UMODL1: variants seen among roughly 807,000 people sequenced by gnomAD.
UMODL1 encodes uromodulin like 1.
Under a neutral mutation model 136.3 loss-of-function variants are expected in UMODL1, and 128 were observed. The ratio of observed to expected loss-of-function variants is 0.94; its 90% confidence interval spans 0.81 to 1.09. The LOEUF (loss-of-function observed/expected upper bound fraction) is 1.09. Among genes scored for constraint, UMODL1 ranks in the 50% least tolerant of loss-of-function variants. UMODL1 has a pLI of 0.00. For synonymous variants in UMODL1, 721 were observed against 720.0 expected, an observed-to-expected ratio of 1.00 and a Z score of -0.02; for missense variants, 1,766 against 1,725.6, an observed-to-expected ratio of 1.02 and a Z score of -0.41.
Position 42,127,139 on chromosome 21 carries a change from C to A in UMODL1, c.3427C>A (p.Leu1143Ile). 6.2e-7 allele frequency: 1 copy of A among 1,614,170 alleles called. No homozygotes were observed. Among genetic ancestry groups the A allele is most frequent in the Non-Finnish European group, 8.5e-7 (1 of 1,180,040 alleles). The change falls in exon 19 of 23, where the codon CTC becomes ATC. Residue 1143 changes from leucine (L) to isoleucine (I), a missense_variant. By Grantham distance (5) the Leu-to-Ile change is conservative. Transcript: ENST00000408910. ...ASDDVRIEVG[L>I]YRQKSNLKVV... ...TGACGATGTCAGGATCGAAGTGGGG[C>A]TCTACAGGCAGAAAAGCAACCTCAA...
At position 42,119,853 on chromosome 21, in the gene UMODL1, C is replaced by T. The variant is rs528438617; in HGVS notation, c.2689+529C>T. Among the ~76,000 whole-genome samples the T allele has an allele frequency of 5.3e-5, 8 of 152,132 alleles. No individual in the cohort carries two copies. The East Asian group carries it at 1.5e-3, about 29-fold the overall frequency. On this transcript the variant is annotated intron_variant, in intron 15 of 22. Transcript: ENST00000408910. ...TTGATTTTTAGAATAAGAAGGACTT[C>T]CTAAAGAAAATACGATTTTTAGAGG...
chr21:42,130,377 A>G (rs2067119013), intron 21 of UMODL1, among the ~76,000 whole-genome samples: 1 of 152,186 alleles, frequency 6.6e-6, no homozygotes. Flanking sequence ...AAAACCCCAC[A>G]TCAACTTTCC....
chr21:42,109,636 T>C lies in UMODL1; in HGVS notation c.1594T>C (p.Tyr532His). 1.2e-6 allele frequency: 2 copies of C among 1,609,876 alleles called. No homozygotes were observed. The highest frequency in any genetic ancestry group is 2.7e-5 in the African/African-American group (2 of 75,020). ...CTGGTGCATCAACCTGGAGGGCTCCTACACCTGCCAGTGCCGTACCACCAG... is the reference window on the plus strand; with the variant it reads ...CTGGTGCATCAACCTGGAGGGCTCCCACACCTGCCAGTGCCGTACCACCAG... Reference protein sequence around the residue: ...AAWCINLEGSYTCQCRTTRDA... With the variant: ...AAWCINLEGSHTCQCRTTRDA... The change falls in exon 10 of 23, where the codon TAC becomes CAC. Residue 532 changes from tyrosine (Y) to histidine (H), a missense_variant. By Grantham distance (83) the Tyr-to-His change is moderately conservative. Transcript: ENST00000408910.
chr21:42,110,058 AGTGGCCTGGAGCCCGAGAGGGT>A (rs67963176), intron 10 of UMODL1, among the ~76,000 whole-genome samples: 11,112 of 152,102 alleles, frequency 0.073, 481 homozygotes, highest in East Asian at 0.14. Context: ...TTCCTTCCCC[AGTGGCCTGGAGCCCGAGAGGGT>A]GTGGCCTGGA....
rs527834004 is a variant in UMODL1 at position 42,119,006 on chromosome 21, G to A, written c.2476-105G>A. 619 of 1,180,418 alleles carry A rather than the reference G, an allele frequency of 5.2e-4. 4 individuals are homozygous for A. Among genetic ancestry groups the A allele is most frequent in the Non-Finnish European group, 1.0e-4 (84 of 839,934 alleles). 73.1% of individuals were successfully genotyped at this position (1,180,418 alleles called of 1,614,324 possible). A position where few individuals can be genotyped will look rare whatever the true frequency, so the allele number is the denominator to read the frequency against. ...ACCTGTGGCTTTTACTTTGTGCCAC[G>A]GGCCAGCCCTGCTGCTGGGCAGACT... On this transcript the variant is annotated intron_variant, in intron 14 of 22. Transcript: ENST00000408910.
chr21:42,084,412 A>T (rs1325776464), intron 3 of UMODL1, among the ~76,000 whole-genome samples, 167 bp downstream of exon 3: 1 of 152,018 alleles, frequency 6.6e-6, no homozygotes, highest in Non-Finnish European at 1.5e-5. Context: ...ATAATTTCTT[A>T]GTCAAAATCT....
intron 13 of UMODL1, among the ~76,000 whole-genome samples, chr21:42,115,355 G>C (rs1191664477): frequency 6.6e-6 from 1 of 152,250 alleles, no homozygotes; most frequent in Non-Finnish European, 1.5e-5. Flanking sequence ...CATAGACCAG[G>C]GGAGGTGGGG....
At chr21:42,087,318 G>T (rs2146444719) in intron 4 of UMODL1, among the ~76,000 whole-genome samples, 1 of 152,254 alleles carries the variant, frequency 6.6e-6, no homozygotes, top group Admixed American at 6.5e-5. Context: ...TAAATTATGA[G>T]CTGCATCTCC....
chr21:42,115,161 C>T (rs769832719), intron 13 of UMODL1, among the ~76,000 whole-genome samples: 10 of 152,210 alleles, frequency 6.6e-5, no homozygotes, highest in East Asian at 3.8e-4. Context: ...ATGCCTCTGG[C>T]GCATGGCAGG....
intron 17 of UMODL1, among the ~76,000 whole-genome samples, chr21:42,125,771 C>G (rs2067044430): frequency 6.6e-6 from 1 of 152,114 alleles, no homozygotes; most frequent in Non-Finnish European, 1.5e-5. Context: ...AGGGCTCTTG[C>G]AGGGCTGCGG....
At chr21:42,133,114 C>T (rs565159168) in intron 21 of UMODL1, among the ~76,000 whole-genome samples, 14 of 152,330 alleles carry the variant, frequency 9.2e-5, no homozygotes, top group African/African-American at 3.1e-4. Flanking sequence ...TACAAATACA[C>T]AGCAAAATCA....
intron 5 of UMODL1, 137 bp from the exon 6 acceptor site, chr21:42,090,161 C>G: frequency 8.7e-7 from 1 of 1,148,992 alleles, no homozygotes; most frequent in Non-Finnish European, 1.2e-6. Context: ...CCCTTGGGAT[C>G]ACTGCCCAAG....
chr21:42,131,956 T>C (rs2067139716), intron 21 of UMODL1, among the ~76,000 whole-genome samples: 1 of 152,238 alleles, frequency 6.6e-6, no homozygotes, highest in Admixed American at 6.5e-5. Context: ...TGTTCTTTCA[T>C]GAATAGAAAT....
intron 1 of UMODL1, among the ~76,000 whole-genome samples, chr21:42,073,711 C>T (rs750761410): frequency 2.0e-5 from 3 of 152,118 alleles, no homozygotes; most frequent in South Asian, 2.1e-4. Flanking sequence ...TAGGTTGCTG[C>T]GAGGTCCAAG....
At chr21:42,139,065 G>A (rs1166801395) in intron 22 of UMODL1, among the ~76,000 whole-genome samples, 2 of 152,148 alleles carry the variant, frequency 1.3e-5, no homozygotes, top group Non-Finnish European at 2.9e-5. Flanking sequence ...CTACTTGGGA[G>A]GCTGAGGTGG....
chr21:42,083,156 G>T (rs2066382652), intron 2 of UMODL1, among the ~76,000 whole-genome samples: 1 of 152,202 alleles, frequency 6.6e-6, no homozygotes, highest in African/African-American at 2.4e-5. Flanking sequence ...CTGGCCTCAG[G>T]GGCCACCTCC....
In UMODL1 at chr21:42,088,385, T is replaced by C. The variant is rs750055068; in HGVS notation, c.695T>C (p.Leu232Pro). ...NASTTVSRLLLGLPRPLPVAD... is the reference protein window; with the variant it reads ...NASTTVSRLLPGLPRPLPVAD... ...TCCACCACAGTGTCGCGGCTGCTAC[T>C]GGGCCTGCCACGGCCACTGCCTGTG... The change falls in exon 5 of 23, where the codon CTG becomes CCG. Residue 232 changes from leucine (L) to proline (P), a missense_variant. Transcript: ENST00000408910. 2 of 1,613,604 alleles carry C rather than the reference T, an allele frequency of 1.2e-6. No individual in the cohort carries two copies. Among genetic ancestry groups the C allele is most frequent in the Non-Finnish European group, 1.7e-6 (2 of 1,179,986 alleles).
At chr21:42,069,229 A>AACACACACACACACACACAC (rs61712292), upstream of UMODL1, among the ~76,000 whole-genome samples, 1,921 of 136,348 alleles carry the variant, frequency 0.014, 38 homozygotes, top group South Asian at 0.019. Flanking sequence ...CACAGACAGA[A>AACACACACACACACACACAC]ACACACACAC....
At chr21:42,092,298 C>A (rs1302852639) in intron 6 of UMODL1, among the ~76,000 whole-genome samples, 1 of 152,150 alleles carries the variant, frequency 6.6e-6, no homozygotes, top group Non-Finnish European at 1.5e-5. Flanking sequence ...CCCAGGGGGT[C>A]TCTCAAAAGA....
Sources: gnomAD v4.1 joint callset for allele counts (sites outside exome capture counted in the v4.1 genomes callset) on GRCh38, gnomAD v4.1.1 for gene constraint, MANE v1.5 for transcripts, NCBI Gene and HGNC (gene_info 2026-07-23, HGNC 2026-07-21) for gene names.